Variants in RBFOX1 observed in about 807,000 individuals in gnomAD.
RBFOX1 encodes RNA binding protein fox-1 homolog 1.
RBFOX1 carries 8 observed loss-of-function variants against 57.7 expected under a neutral mutation model. That is an observed-to-expected ratio of 0.14 (90% CI 0.08 to 0.25). The LOEUF (loss-of-function observed/expected upper bound fraction) is 0.25. Among genes scored for constraint, RBFOX1 ranks in the 10% least tolerant of loss-of-function variants. RBFOX1 has a pLI of 1.00. For missense variants in RBFOX1, 611 were observed against 548.5 expected, an observed-to-expected ratio of 1.11 and a Z score of -1.14; for synonymous variants, 326 against 222.4, an observed-to-expected ratio of 1.47 and a Z score of -4.15.
chr16:6,639,279 C>T (rs1165380474), intron 2 of RBFOX1, among the ~76,000 whole-genome samples: 1 of 152,140 alleles, frequency 6.6e-6, no homozygotes, highest in East Asian at 1.9e-4. Flanking sequence ...CTATCTGATT[C>T]CTAAGAGGAA....
At chr16:6,895,959 A>T (rs1344537565) in intron 3 of RBFOX1, among the ~76,000 whole-genome samples, 1 of 152,006 alleles carries the variant, frequency 6.6e-6, no homozygotes, top group Non-Finnish European at 1.5e-5. Flanking sequence ...TTTGTGGGGT[A>T]CCAAAGATGT....
intron 3 of RBFOX1, among the ~76,000 whole-genome samples, chr16:6,815,234 A>G (rs7206348): frequency 0.7 from 107,002 of 151,946 alleles, 38,665 homozygotes; most frequent in African/African-American, 0.88. Flanking sequence ...ATGACCAGAG[A>G]TCACTCTCAT....
chr16:6,510,003 A>G (rs2096216709), intron 2 of RBFOX1, among the ~76,000 whole-genome samples: 2 of 152,160 alleles, frequency 1.3e-5, no homozygotes, highest in South Asian at 4.2e-4. Context: ...GCCACATGCG[A>G]TTCAGGGCAG....
intron 4 of RBFOX1, among the ~76,000 whole-genome samples, chr16:5,960,638 T>C (rs771796485): frequency 6.6e-6 from 1 of 152,110 alleles, no homozygotes; most frequent in Non-Finnish European, 1.5e-5. Flanking sequence ...AACCTCTAGC[T>C]CCTCATGAAG....
At chr16:6,363,716 G>T (rs754619380) in intron 2 of RBFOX1, among the ~76,000 whole-genome samples, 43 of 152,174 alleles carry the variant, frequency 2.8e-4, no homozygotes, top group Non-Finnish European at 5.4e-4. Flanking sequence ...GCTAACAGGA[G>T]AAACGAATTT....
At chr16:6,659,633 G>C (rs1389111979) in intron 3 of RBFOX1, among the ~76,000 whole-genome samples, 1 of 152,162 alleles carries the variant, frequency 6.6e-6, no homozygotes, top group Non-Finnish European at 1.5e-5. Flanking sequence ...TCTTACTCCA[G>C]AGTCTGTCCT....
At chr16:5,556,072 C>G (rs964859830) in intron 2 of RBFOX1, among the ~76,000 whole-genome samples, 2 of 152,124 alleles carry the variant, frequency 1.3e-5, no homozygotes, top group Non-Finnish European at 2.9e-5. Context: ...CCAAAAAACA[C>G]CCTTTCCCTG....
At chr16:6,307,807 T>A (rs56410349) in intron 1 of RBFOX1, among the ~76,000 whole-genome samples, 43,342 of 146,714 alleles carry the variant, frequency 0.3, 6,457 homozygotes, top group Middle Eastern at 0.34. Context: ...TACATATTTG[T>A]ATCAGTGATA....
chr16:6,268,604 T>C (rs2074827297), intron 1 of RBFOX1, among the ~76,000 whole-genome samples: 1 of 152,206 alleles, frequency 6.6e-6, no homozygotes, highest in Non-Finnish European at 1.5e-5. Flanking sequence ...TAGTTCAGTT[T>C]GTTAATTCAA....
intron 3 of RBFOX1, among the ~76,000 whole-genome samples, chr16:6,871,508 C>G (rs1207328462): frequency 2.0e-5 from 3 of 151,962 alleles, no homozygotes; most frequent in Admixed American, 2.0e-4. Context: ...TTGACTCTTT[C>G]CTCTCCCTTA....
chr16:6,555,166 A>C (rs74005282), intron 2 of RBFOX1, among the ~76,000 whole-genome samples: 449 of 152,226 alleles, frequency 2.9e-3, no homozygotes, highest in African/African-American at 0.01. Flanking sequence ...TTCTATCATA[A>C]ATACTCTTTT....
intron 1 of RBFOX1, among the ~76,000 whole-genome samples, chr16:5,376,123 G>C (rs916225286): frequency 6.6e-6 from 1 of 151,182 alleles, no homozygotes; most frequent in Non-Finnish European, 1.5e-5. Flanking sequence ...AGCTGAAATT[G>C]TGCCACTGCT....
chr16:5,931,993 G>T (rs1473427513), intron 4 of RBFOX1, among the ~76,000 whole-genome samples: 1 of 151,816 alleles, frequency 6.6e-6, no homozygotes, highest in Admixed American at 6.6e-5. Context: ...TGTACACTTG[G>T]GCCTCTCCCT....
At chr16:6,587,155 T>A (rs1162568162) in intron 2 of RBFOX1, among the ~76,000 whole-genome samples, 1 of 152,162 alleles carries the variant, frequency 6.6e-6, no homozygotes, top group Non-Finnish European at 1.5e-5. Flanking sequence ...GAATTTTTTT[T>A]ATCCATTGAC....
intron 4 of RBFOX1, among the ~76,000 whole-genome samples, chr16:7,086,239 G>C (rs118051892): frequency 6.6e-6 from 1 of 152,066 alleles, no homozygotes; most frequent in African/African-American, 2.4e-5. Flanking sequence ...TTTGCCATGC[G>C]CAGTTGTAGG....
chr16:7,258,869 C>T (rs1450440014), intron 4 of RBFOX1, among the ~76,000 whole-genome samples: 1 of 152,084 alleles, frequency 6.6e-6, no homozygotes, highest in African/African-American at 2.4e-5. Flanking sequence ...ATTAGGGCTC[C>T]TGGGAAAGGA....
chr16:7,303,498 C>G (rs1470254595), intron 4 of RBFOX1, among the ~76,000 whole-genome samples: 1 of 152,200 alleles, frequency 6.6e-6, no homozygotes, highest in African/African-American at 2.4e-5. Context: ...GCGGGGCGCT[C>G]GCTCGCCTGC....
chr16:5,770,190 A>G (rs1251799826), intron 3 of RBFOX1, among the ~76,000 whole-genome samples: 1 of 151,882 alleles, frequency 6.6e-6, no homozygotes, highest in Non-Finnish European at 1.5e-5. Flanking sequence ...CTGAGGTAGG[A>G]CATCAACAGG....
intron 3 of RBFOX1, among the ~76,000 whole-genome samples, chr16:6,834,456 C>T (rs988934772): frequency 2.6e-5 from 4 of 151,990 alleles, no homozygotes; most frequent in African/African-American, 9.7e-5. Flanking sequence ...TCAATGGATG[C>T]CTATAGCCTT....
Sources: allele counts gnomAD v4.1 joint callset (sites outside exome capture counted in the v4.1 genomes callset), GRCh38; gene constraint gnomAD v4.1.1; transcripts MANE v1.5; gene names NCBI Gene and HGNC (gene_info 2026-07-23, HGNC 2026-07-21).